Variants in FSHR observed in about 807,000 individuals in gnomAD.
FSHR encodes follicle stimulating hormone receptor.
Under a neutral mutation model 52.1 loss-of-function variants are expected in FSHR, and 46 were observed. The ratio of observed to expected loss-of-function variants is 0.88; its 90% CI spans 0.70 to 1.13. The LOEUF (loss-of-function observed/expected upper bound fraction) is 1.13. Among genes scored for constraint, FSHR ranks in the 50% most tolerant of loss-of-function variants. The pLI is 0.00. For synonymous variants in FSHR, 399 were observed against 309.6 expected (o/e 1.29, Z -3.03); for missense variants, 964 against 834.6 (o/e 1.16, Z -1.91).
chr2:49,000,890 G>A (rs1042083443), intron 4 of FSHR, among the ~76,000 whole-genome samples: 2 of 152,064 alleles, frequency 1.3e-5, no homozygotes, highest in Admixed American at 1.3e-4. Flanking sequence ...AAAAGGAACT[G>A]CAGTCCTAGG....
At chr2:49,013,199 C>T (rs1023580673) in intron 4 of FSHR, among the ~76,000 whole-genome samples, 3 of 151,420 alleles carry the variant, frequency 2.0e-5, no homozygotes, top group African/African-American at 4.9e-5. Flanking sequence ...GTCTGCAAGC[C>T]AGGAACCAAA....
intron 8 of FSHR, among the ~76,000 whole-genome samples, chr2:48,976,887 G>A (rs1675014701): frequency 1.3e-5 from 2 of 151,878 alleles, no homozygotes; most frequent in East Asian, 3.9e-4. Context: ...TTCTTCATTA[G>A]TCTGGCTAGC....
intron 4 of FSHR, among the ~76,000 whole-genome samples, chr2:49,002,912 G>A (rs1490741570): frequency 2.0e-5 from 3 of 152,086 alleles, no homozygotes; most frequent in Non-Finnish European, 4.4e-5. Context: ...CTGTGGTTTG[G>A]TCATTGTCCA....
At chr2:49,145,353 A>G (rs1207583143) in intron 1 of FSHR, among the ~76,000 whole-genome samples, 1 of 152,134 alleles carries the variant, frequency 6.6e-6, no homozygotes, top group Non-Finnish European at 1.5e-5. Flanking sequence ...ATTATATTTT[A>G]GTTCAGGTCT....
In FSHR at chr2:49,014,870, G is replaced by T. The variant is rs1279478642; in HGVS notation, c.374+2619C>A. 2.1e-5 allele frequency: 10 copies of T among 468,282 alleles called. No individual in the cohort carries two copies. The East Asian group carries it at 7.0e-4, about 33-fold the overall frequency. 29.0% of individuals were successfully genotyped at this position (468,282 alleles called of 1,614,324 possible). ...GGGATGCCTCTTCATGTCCTAGAGA[G>T]CATTTGTTCTGTCACTGAAGGCTCT... On this transcript the variant is annotated intron_variant, in intron 4 of 9. Transcript: ENST00000406846.
intron 1 of FSHR, among the ~76,000 whole-genome samples, chr2:49,098,243 CT>C (rs1670898161): frequency 6.6e-6 from 1 of 152,054 alleles, no homozygotes; most frequent in African/African-American, 2.4e-5. Context: ...GAAAAACAAG[CT>C]GTATTCTCTG....
intron 1 of FSHR, among the ~76,000 whole-genome samples, chr2:49,069,256 T>G (rs1413846349): frequency 6.6e-6 from 1 of 152,140 alleles, no homozygotes; most frequent in African/African-American, 2.4e-5. Flanking sequence ...TAAAAATTCC[T>G]CGGACAAGCC....
intron 1 of FSHR, among the ~76,000 whole-genome samples, chr2:49,131,016 C>T (rs972649130): frequency 1.3e-5 from 2 of 151,954 alleles, no homozygotes; most frequent in South Asian, 2.1e-4. Context: ...TTACTTATAC[C>T]ATAATGATTA....
At chr2:49,024,497 C>T (rs1394044791) in intron 2 of FSHR, among the ~76,000 whole-genome samples, 1 of 152,118 alleles carries the variant, frequency 6.6e-6, no homozygotes, top group African/African-American at 2.4e-5. Flanking sequence ...TCACTTGAAC[C>T]TGGGAGGAGT....
At chr2:49,034,536 G>T (rs1668215335) in intron 2 of FSHR, among the ~76,000 whole-genome samples, 1 of 152,180 alleles carries the variant, frequency 6.6e-6, no homozygotes, top group Admixed American at 6.5e-5. Context: ...CAAATCTCAA[G>T]TGTAAAGTGA....
intron 1 of FSHR, among the ~76,000 whole-genome samples, chr2:49,133,757 T>C (rs1415895356): frequency 3.9e-5 from 6 of 151,962 alleles, no homozygotes; most frequent in Non-Finnish European, 8.8e-5. Flanking sequence ...CCCTCAGAAA[T>C]AATACCATAC....
chr2:49,031,717 T>G (rs1196322851), intron 2 of FSHR, among the ~76,000 whole-genome samples: 1 of 152,168 alleles, frequency 6.6e-6, no homozygotes, highest in East Asian at 1.9e-4. Flanking sequence ...TGTAGATCCA[T>G]ATAAGCACTT....
At chr2:49,134,926 G>T (rs553600174) in intron 1 of FSHR, among the ~76,000 whole-genome samples, 4 of 152,170 alleles carry the variant, frequency 2.6e-5, no homozygotes, top group South Asian at 4.1e-4. Flanking sequence ...GGGGTGGGAG[G>T]ATGGGGGAGG....
At chr2:49,061,497 G>A (rs1233072057) in intron 2 of FSHR, among the ~76,000 whole-genome samples, 24 of 146,968 alleles carry the variant, frequency 1.6e-4, no homozygotes, top group African/African-American at 6.0e-4. Context: ...ATCAATTCAG[G>A]AAGAGGATAT....
At chr2:49,006,208 A>C (rs59413360) in intron 4 of FSHR, among the ~76,000 whole-genome samples, 11,220 of 152,122 alleles carry the variant, frequency 0.074, 1,300 homozygotes, top group African/African-American at 0.25. Context: ...CCTATTAGTT[A>C]TGTCCCTCTA....
chr2:49,154,314 C>T lies in FSHR; in HGVS notation c.104G>A (p.Ser35Asn). The T allele has an allele frequency of 1.2e-6, 2 of 1,613,914 alleles. No homozygotes were observed. The highest frequency in any genetic ancestry group is 2.2e-5 in the East Asian group (1 of 44,856). ...CSNRVFLCQE[S>N]KVTEIPSDLP... Reference sequence around the variant, plus strand: ...GTCAGAAGGAATCTCTGTCACCTTGCTCTCTTGGCAGAGAAAAACCCTGTT... The same window carrying T: ...GTCAGAAGGAATCTCTGTCACCTTGTTCTCTTGGCAGAGAAAAACCCTGTT... The change falls in exon 1 of 10, where the codon AGC becomes AAC. Residue 35 changes from serine (S) to asparagine (N), a missense_variant. By Grantham distance (46) the Ser-to-Asn change is conservative. Coordinates refer to ENST00000406846, the MANE Select transcript of FSHR (RefSeq NM_000145.4).
At chr2:48,974,243 T>A (rs1221490817) in intron 8 of FSHR, among the ~76,000 whole-genome samples, 10 of 152,202 alleles carry the variant, frequency 6.6e-5, no homozygotes, top group Admixed American at 6.5e-4. Context: ...AAGACAGACA[T>A]GCCTTGGGGA....
intron 8 of FSHR, among the ~76,000 whole-genome samples, chr2:48,976,160 A>G (rs1674977953): frequency 6.6e-6 from 1 of 152,234 alleles, no homozygotes; most frequent in African/African-American, 2.4e-5. Context: ...GATACGGTCC[A>G]TCAATACCTA....
intron 2 of FSHR, among the ~76,000 whole-genome samples, chr2:49,060,808 A>G (rs1669261414): frequency 6.6e-6 from 1 of 151,874 alleles, no homozygotes; most frequent in South Asian, 2.1e-4. Context: ...TCATCCATGT[A>G]CCCACTCCCC....
Sources: gnomAD v4.1 joint callset for allele counts (sites outside exome capture counted in the v4.1 genomes callset) on GRCh38, gnomAD v4.1.1 for gene constraint, MANE v1.5 for transcripts, NCBI Gene and HGNC (gene_info 2026-07-23, HGNC 2026-07-21) for gene names.